MIS18BP1: variants seen among roughly 807,000 people sequenced by gnomAD.
The protein encoded by MIS18BP1 is mis18-binding protein 1.
MIS18BP1 carries 72 observed loss-of-function variants against 116.1 expected under a neutral mutation model. The observed-to-expected ratio is 0.62, with a 90% CI of 0.51 to 0.75. MIS18BP1 has a LOEUF of 0.75. Ranked by LOEUF, MIS18BP1 falls within the 30% of genes least tolerant of loss-of-function variation. The probability of loss-of-function intolerance (pLI) is 0.00; values close to 1 mark genes in which losing one functional copy is unlikely to be tolerated. For synonymous variants in MIS18BP1, 386 were observed against 427.0 expected (o/e 0.90, Z 1.18); for missense variants, 1,363 against 1,303.2 (o/e 1.05, Z -0.71).
intron 10 of MIS18BP1, among the ~76,000 whole-genome samples, chr14:45,226,306 A>G (rs1891121213): frequency 6.6e-6 from 1 of 152,190 alleles, no homozygotes; most frequent in African/African-American, 2.4e-5. Flanking sequence ...CTATAAAGCT[A>G]ATGGATTTAG....
At chr14:45,234,866 ATATTCT>A (rs1446597655) in intron 6 of MIS18BP1, among the ~76,000 whole-genome samples, 1 of 152,200 alleles carries the variant, frequency 6.6e-6, no homozygotes, top group Non-Finnish European at 1.5e-5. Flanking sequence ...GAGTTAAATG[ATATTCT>A]TATAACATAA....
intron 14 of MIS18BP1, among the ~76,000 whole-genome samples, chr14:45,206,970 G>C (rs1890536002): frequency 1.3e-5 from 2 of 152,060 alleles, no homozygotes; most frequent in African/African-American, 4.8e-5. Context: ...AGCTCATCAA[G>C]CCTTTTATTT....
At chr14:45,227,854 T>C (rs752577546) in intron 8 of MIS18BP1, 40 bp from the exon 9 acceptor site, 1 of 1,590,620 alleles carries the variant, frequency 6.3e-7, no homozygotes, top group East Asian at 2.2e-5. Context: ...AATGGTTATA[T>C]AAAAGAGAAG....
chr14:45,245,867 C>T (rs1317645319), intron 2 of MIS18BP1, among the ~76,000 whole-genome samples: 2 of 152,194 alleles, frequency 1.3e-5, no homozygotes, highest in Non-Finnish European at 2.9e-5. Context: ...TTTTCCAACA[C>T]CCTAATACCT....
intron 13 of MIS18BP1, among the ~76,000 whole-genome samples, chr14:45,212,451 T>TC (rs1046421244): frequency 1.3e-5 from 2 of 152,036 alleles, no homozygotes; most frequent in Non-Finnish European, 2.9e-5. Context: ...TGAGAGGGCC[T>TC]CCCCACCCCC....
chr14:45,214,898 C>T (rs1165192063), intron 13 of MIS18BP1, among the ~76,000 whole-genome samples: 4 of 152,210 alleles, frequency 2.6e-5, no homozygotes, highest in South Asian at 2.1e-4. Context: ...ATTACAGGTG[C>T]CCACCACCAT....
chr14:45,234,075 A>G (rs1409495684), intron 6 of MIS18BP1, among the ~76,000 whole-genome samples: 1 of 152,166 alleles, frequency 6.6e-6, no homozygotes, highest in Non-Finnish European at 1.5e-5. Context: ...AAATTGGAAT[A>G]TGGTATTAGA....
Position 45,217,145 on chromosome 14 carries a change from AAT to A in MIS18BP1, c.2875_2876del (p.Ile959Ter). The A allele has an allele frequency of 6.2e-7, 1 of 1,614,124 alleles. No individual in the cohort carries two copies. The highest frequency in any genetic ancestry group is 8.5e-7 in the Non-Finnish European group (1 of 1,179,998). On this transcript the variant is annotated frameshift_variant, in exon 13 of 17. Coordinates refer to ENST00000310806, the MANE Select transcript of MIS18BP1 (RefSeq NM_018353.5). LOFTEE classifies it high-confidence loss of function. The stretch of plus-strand genomic sequence containing the variant: ...GAGTTCCCACTTTGGCAGTTATCTT[AAT>A]AGTTTGTTTCTGATCAGCATCACCT... ...KRGDADQKQTIKITAKVGTLK... is the reference protein window; with the variant it reads ...KRGDADQKQTXKITAKVGTLK...
intron 2 of MIS18BP1, among the ~76,000 whole-genome samples, chr14:45,243,369 T>A (rs1393709065): frequency 6.6e-6 from 1 of 152,180 alleles, no homozygotes; most frequent in Non-Finnish European, 1.5e-5. Flanking sequence ...ATAATTTATA[T>A]CCTTTAGACA....
At chr14:45,230,585 G>A (rs1199359004) in intron 8 of MIS18BP1, among the ~76,000 whole-genome samples, 2 of 152,098 alleles carry the variant, frequency 1.3e-5, no homozygotes, top group Non-Finnish European at 2.9e-5. Context: ...GTTTACCAGT[G>A]TTCTTTGGTA....
Position 45,232,900 on chromosome 14 carries a change from C to A in MIS18BP1, c.1349-80G>T, listed in dbSNP as rs1891328699. ...GATATCATTAATTCATTACATCATT[C>A]AAGAAATATGCACCTATTGCTTAAT... On this transcript the variant is annotated intron_variant, in intron 6 of 16. Coordinates refer to ENST00000310806, the MANE Select transcript of MIS18BP1 (RefSeq NM_018353.5). 9 of 688,412 alleles carry A rather than the reference C, an allele frequency of 1.3e-5. No homozygotes were observed. In the South Asian group the frequency reaches 1.5e-4, roughly 12 times the overall value. 42.6% of individuals were successfully genotyped at this position (688,412 alleles called of 1,614,324 possible). A position where few individuals can be genotyped will look rare whatever the true frequency, so the allele number is the denominator to read the frequency against.
At chr14:45,234,421 G>A (rs768985504) in intron 6 of MIS18BP1, among the ~76,000 whole-genome samples, 22 of 152,186 alleles carry the variant, frequency 1.4e-4, no homozygotes, top group South Asian at 1.0e-3. Context: ...GAGAGCTAGT[G>A]TACAAATGGA....
intron 4 of MIS18BP1, among the ~76,000 whole-genome samples, chr14:45,240,649 G>C (rs1274261240): frequency 2.0e-5 from 3 of 152,110 alleles, no homozygotes; most frequent in Non-Finnish European, 4.4e-5. Flanking sequence ...GAGTTGGACA[G>C]GGGATAAAGG....
intron 8 of MIS18BP1, among the ~76,000 whole-genome samples, chr14:45,230,102 G>A (rs1891234652): frequency 6.6e-6 from 1 of 152,220 alleles, no homozygotes; most frequent in African/African-American, 2.4e-5. Context: ...GTTTTTGGCA[G>A]AAGGATTCCT....
intron 11 of MIS18BP1, among the ~76,000 whole-genome samples, chr14:45,220,298 T>C (rs1326706572): frequency 6.6e-6 from 1 of 152,154 alleles, no homozygotes; most frequent in African/African-American, 2.4e-5. Context: ...TTCTTTATAC[T>C]TTTGTGTATG....
chr14:45,205,220 C>T (rs1363993055), intron 15 of MIS18BP1, among the ~76,000 whole-genome samples: 1 of 152,044 alleles, frequency 6.6e-6, no homozygotes, highest in Admixed American at 6.6e-5. Context: ...AGGTAAAACA[C>T]TGCATTATAT....
chr14:45,241,517 T>C (rs1039171642), intron 4 of MIS18BP1: 1 of 152,398 alleles, frequency 6.6e-6, no homozygotes, highest in Non-Finnish European at 1.5e-5. Flanking sequence ...ATTGGAAATT[T>C]TACACTGCAT....
chr14:45,235,227 C>G (rs1202954761), intron 6 of MIS18BP1, among the ~76,000 whole-genome samples: 1 of 145,382 alleles, frequency 6.9e-6, no homozygotes. Flanking sequence ...AAAAAACAAC[C>G]CCAAGCCTCT....
At chr14:45,244,189 G>C (rs148515098) in intron 2 of MIS18BP1, among the ~76,000 whole-genome samples, 1 of 152,234 alleles carries the variant, frequency 6.6e-6, no homozygotes, top group East Asian at 1.9e-4. Context: ...CTTATTACTT[G>C]CTACCTATGA....
Sources: gnomAD v4.1 joint callset for allele counts (sites outside exome capture counted in the v4.1 genomes callset) on GRCh38, gnomAD v4.1.1 for gene constraint, MANE v1.5 for transcripts, NCBI Gene and HGNC (gene_info 2026-07-23, HGNC 2026-07-21) for gene names.